Variants in RNF135 observed in about 807,000 individuals in gnomAD.
RNF135 encodes the protein ring finger protein 135.
RNF135 carries 46 observed loss-of-function variants against 41.9 expected under a neutral mutation model. That is an observed-to-expected ratio of 1.10 (90% CI 0.87 to 1.40). The LOEUF (loss-of-function observed/expected upper bound fraction) is 1.40. RNF135 is among the 40% of genes most tolerant of loss of function. The pLI, the probability that RNF135 is intolerant of heterozygous loss-of-function variation, is 0.00. For synonymous variants in RNF135, 238 were observed against 223.8 expected, an observed-to-expected ratio of 1.06 and a Z score of -0.57; for missense variants, 539 against 549.8, an observed-to-expected ratio of 0.98 and a Z score of 0.20.
intron 3 of RNF135, chr17:30,993,797 C>T: frequency 1.0e-6 from 1 of 966,562 alleles, no homozygotes; most frequent in Non-Finnish European, 1.5e-6. Context: ...AATCTGCATT[C>T]TGCTGAATTA....
At position 30,998,764 on chromosome 17, in the gene RNF135, G is replaced by T; in HGVS notation, c.872G>T (p.Arg291Leu). ...VTVSHRPQPY[R>L]WSCERFSTSQ... ...GTGTCTCACCGCCCACAACCCTATC[G>T]CTGGAGCTGTGAGAGGTTTTCTACC... is the stretch of plus-strand genomic sequence containing the variant. Residue 291 changes from arginine to leucine, a missense_variant, in exon 5 of 5, where the codon CGC becomes CTC. Physicochemically the swap from Arg to Leu is moderately radical, Grantham distance 102. This residue lies in a region of RNF135 where 262 missense variants were observed against 336.9 expected (regional missense o/e 0.78). Coordinates refer to ENST00000328381, the MANE Select transcript of RNF135 (RefSeq NM_032322.4). The T allele has an allele frequency of 6.8e-6, 11 of 1,613,068 alleles. No homozygotes were observed. Among genetic ancestry groups the T allele is most frequent in the Non-Finnish European group, 9.3e-6 (11 of 1,179,710 alleles).
At position 30,998,644 on chromosome 17, in the gene RNF135, C is replaced by CTT. The variant is rs111718437; in HGVS notation, c.770-8_770-7dup. The CTT allele has an allele frequency of 1.1e-5, 13 of 1,225,492 alleles. No homozygotes were observed. Among genetic ancestry groups the CTT allele is most frequent in the South Asian group, 2.8e-5 (2 of 70,482 alleles). The allele number at this position is 1,225,492 out of a possible 1,614,324, so 75.9% of individuals were successfully genotyped here. A position where few individuals can be genotyped will look rare whatever the true frequency, so the allele number is the denominator to read the frequency against. ...GATGACCGGCCATGTTCTTATTGTT[C>CTT]TTTTTTTTTTTCCAAAGGGGCCATC... On this transcript the variant is annotated splice_polypyrimidine_tract_variant and intron_variant, in intron 4 of 4. Coordinates refer to ENST00000328381, the MANE Select transcript of RNF135 (RefSeq NM_032322.4).
At chr17:30,983,912 A>G (rs1907405376) in intron 1 of RNF135, among the ~76,000 whole-genome samples, 1 of 152,132 alleles carries the variant, frequency 6.6e-6, no homozygotes, top group Non-Finnish European at 1.5e-5. Flanking sequence ...TTGGAGAAAT[A>G]GCTATTCAAG....
At chr17:30,974,008 A>G (rs1808432194) in intron 1 of RNF135, among the ~76,000 whole-genome samples, 1 of 152,130 alleles carries the variant, frequency 6.6e-6, no homozygotes, top group African/African-American at 2.4e-5. Context: ...TGGGAGGCCA[A>G]AGTTTCATCT....
intron 1 of RNF135, among the ~76,000 whole-genome samples, chr17:30,976,965 T>C (rs561711194): frequency 3.3e-5 from 5 of 152,316 alleles, no homozygotes; most frequent in African/African-American, 1.2e-4. Flanking sequence ...ATTCTTGCCA[T>C]TTTGTTATTT....
Position 30,999,004 on chromosome 17 carries a change from A to G in RNF135, c.1112A>G (p.Asp371Gly). 1.2e-6 allele frequency: 2 copies of G among 1,614,176 alleles called. No individual in the cohort carries two copies. The highest frequency in any genetic ancestry group is 1.7e-6 in the Non-Finnish European group (2 of 1,180,036). Residue 371 changes from aspartate (D) to glycine (G), a missense_variant, in exon 5 of 5, where the codon GAC becomes GGC. Transcript: ENST00000328381. ...GTCAAGGAAACTGTCCTTGGCTCAG[A>G]CAGACCTGGGGTGGTGGGCATCTGG... is the stretch of plus-strand genomic sequence containing the variant. ...HMVKETVLGS[D>G]RPGVVGIWLN...
intron 1 of RNF135, chr17:30,975,296 C>G (rs1321907286): frequency 1.6e-6 from 1 of 610,616 alleles, no homozygotes; most frequent in Non-Finnish European, 3.0e-6. Flanking sequence ...GCACTCCAGC[C>G]TGGGCAACAG....
chr17:30,979,235 G>T (rs1172461844), intron 1 of RNF135: 5 of 144,030 alleles, frequency 3.5e-5, no homozygotes, highest in African/African-American at 1.5e-4. Context: ...CCGGGCGGGG[G>T]GCTGACCCCC....
chr17:30,983,340 TATATATATATATA>T (rs1247359451), intron 1 of RNF135, among the ~76,000 whole-genome samples: 44 of 33,018 alleles, frequency 1.3e-3, no homozygotes, highest in African/African-American at 2.0e-3. Context: ...TATATATATA[TATATATATATATA>T]TTTTTTTTTT....
intron 1 of RNF135, chr17:30,971,708 C>A: frequency 7.6e-7 from 1 of 1,318,652 alleles, no homozygotes. Context: ...TCTTCCCAAT[C>A]GATCTTCGGT....
intron 3 of RNF135, among the ~76,000 whole-genome samples, chr17:30,992,371 A>AT (rs555306484): frequency 0.031 from 4,334 of 139,496 alleles, 111 homozygotes; most frequent in South Asian, 0.13. Context: ...TCTGGCCTCA[A>AT]TTTTTTTTTT....
chr17:30,964,560 C>G, the RNF135 span, among the ~76,000 whole-genome samples: 1 of 151,718 alleles, frequency 6.6e-6, no homozygotes, highest in African/African-American at 2.4e-5. Flanking sequence ...GGCAAGATTG[C>G]GCCAGTGCAC....
chr17:30,964,707 T>C, the RNF135 span, among the ~76,000 whole-genome samples: 1 of 151,148 alleles, frequency 6.6e-6, no homozygotes, highest in Non-Finnish European at 1.5e-5. Context: ...TTTTTTTAGA[T>C]GGAGTCTTGC....
the RNF135 span, among the ~76,000 whole-genome samples, chr17:30,961,103 G>A: frequency 6.6e-6 from 1 of 152,158 alleles, no homozygotes; most frequent in African/African-American, 2.4e-5. Flanking sequence ...CAAAGTCACT[G>A]CATGTGTCAA....
At chr17:30,976,443 T>C (rs1906469384) in intron 1 of RNF135, among the ~76,000 whole-genome samples, 1 of 152,248 alleles carries the variant, frequency 6.6e-6, no homozygotes, top group South Asian at 2.1e-4. Flanking sequence ...TGGATGTAAA[T>C]GTTCCATAAA....
chr17:30,998,665 C>A lies in RNF135; in HGVS notation c.773C>A (p.Ala258Asp). 2 of 1,613,396 alleles carry A rather than the reference C, an allele frequency of 1.2e-6. No homozygotes were observed. The highest frequency in any genetic ancestry group is 1.7e-6 in the Non-Finnish European group (2 of 1,179,730). ...TGTTCTTTTTTTTTTTCCAAAGGGG[C>A]CATCCATCCAACCTTTAACTTGAAG... ...LRRASRFAQW[A>D]IHPTFNLKSL... is the part of the protein sequence containing the mutation. The change falls in exon 5 of 5, where the codon GCC (alanine) becomes GAC (aspartate). Residue 258 changes from alanine (A) to aspartate (D), a missense_variant. Around this residue, in one of 2 missense-constraint regions of RNF135, gnomAD observed 262 missense variants for 336.9 expected, o/e 0.78. Coordinates refer to ENST00000328381, the MANE Select transcript of RNF135 (RefSeq NM_032322.4).
chr17:30,985,500 C>T (rs995223428), intron 2 of RNF135, among the ~76,000 whole-genome samples: 1 of 152,178 alleles, frequency 6.6e-6, no homozygotes, highest in African/African-American at 2.4e-5. Flanking sequence ...CTTCTTCTCC[C>T]TTACCCTAAT....
At position 30,999,058 on chromosome 17, in the gene RNF135, T is replaced by C; in HGVS notation, c.1166T>C (p.Phe389Ser). ...AACCTTGAGGAGGGAAAGCTTGCCTTCTATTCAGTGGACAATCAGGAGAAG... is the reference window on the plus strand; with the variant it reads ...AACCTTGAGGAGGGAAAGCTTGCCTCCTATTCAGTGGACAATCAGGAGAAG... ...WLNLEEGKLA[F>S]YSVDNQEKLL... is the part of the protein sequence containing the mutation. Residue 389 changes from phenylalanine (F) to serine (S), a missense_variant, in exon 5 of 5, where the codon TTC (phenylalanine) becomes TCC (serine). By Grantham distance (155) the Phe-to-Ser change is radical. Transcript: ENST00000328381. 1 of 1,614,154 alleles carries C rather than the reference T, an allele frequency of 6.2e-7. No homozygotes were observed. Among genetic ancestry groups the C allele is most frequent in the South Asian group, 1.1e-5 (1 of 91,080 alleles).
rs1384830990 is a variant in RNF135 at position 30,971,073 on chromosome 17, C to T, written c.-1C>T. The T allele has an allele frequency of 1.6e-5, 25 of 1,534,228 alleles. No homozygotes were observed. Among genetic ancestry groups the T allele is most frequent in the Admixed American group, 3.9e-5 (2 of 50,932 alleles). ...GTCCGCGCCCCGGCCGCCTGTTGGC[C>T]ATGGCGGGCCTGGGCCTGGGCTCCG... On this transcript the variant is annotated 5_prime_UTR_variant, in exon 1 of 5. Coordinates refer to ENST00000328381, the MANE Select transcript of RNF135 (RefSeq NM_032322.4).
Sources: gnomAD v4.1 joint callset for allele counts (sites outside exome capture counted in the v4.1 genomes callset) on GRCh38, gnomAD v4.1.1 for gene constraint, gnomAD v4.1.1 regional missense constraint, MANE v1.5 for transcripts, NCBI Gene and HGNC (gene_info 2026-07-23, HGNC 2026-07-21) for gene names.